The following CSDE1 variants were observed in gnomAD, a reference collection of about 807,000 sequenced individuals.
The protein encoded by CSDE1 is cold shock domain-containing protein E1.
CSDE1 carries 17 observed loss-of-function variants against 89.3 expected under a neutral mutation model. The ratio of observed to expected loss-of-function variants is 0.19; its 90% CI spans 0.13 to 0.29. CSDE1 has a LOEUF of 0.29. Ranked by LOEUF, CSDE1 falls within the 10% of genes least tolerant of loss-of-function variation. The pLI is 1.00. For missense variants in CSDE1, 672 were observed against 984.2 expected, an observed-to-expected ratio of 0.68 and a Z score of 4.24; for synonymous variants, 322 against 332.8, an observed-to-expected ratio of 0.97 and a Z score of 0.35.
In CSDE1 at chr1:114,736,832, G is replaced by T; in HGVS notation, c.426C>A (p.Thr142=). Residue 142 remains threonine, a synonymous_variant, in exon 6 of 20, where the codon ACC becomes ACA. Coordinates refer to ENST00000358528, the MANE Select transcript of CSDE1 (RefSeq NM_001007553.3). ...RNGEVFYLTY[T]PEDVEGNVQL... ...GAACGTTCCCTTCGACATCTTCAGG[G>T]GTGTAAGTCAGATAAAACACTTCCT... is the stretch of plus-strand genomic sequence containing the variant. 1 of 1,611,664 alleles carries T rather than the reference G, an allele frequency of 6.2e-7. No individual in the cohort carries two copies. Among genetic ancestry groups the T allele is most frequent in the Non-Finnish European group, 8.5e-7 (1 of 1,178,768 alleles).
At chr1:114,720,312 CATA>C (rs1267761904) in intron 17 of CSDE1, 1 of 444,572 alleles carries the variant, frequency 2.2e-6, no homozygotes, top group African/African-American at 2.0e-5. Context: ...TTCCCCATTG[CATA>C]ATATTAGTTA....
intron 16 of CSDE1, among the ~76,000 whole-genome samples, chr1:114,722,717 G>A (rs1659594101): frequency 6.6e-6 from 1 of 152,306 alleles, no homozygotes; most frequent in South Asian, 2.1e-4. Flanking sequence ...GTTAGGAGAT[G>A]GAAGGGCAAT....
intron 3 of CSDE1, 44 bp from the exon 4 acceptor site, chr1:114,738,116 G>C: frequency 7.0e-7 from 1 of 1,435,710 alleles, no homozygotes; most frequent in South Asian, 1.1e-5. Context: ...TGATTTTTGC[G>C]AAACGATATA....
At chr1:114,741,747 T>C (rs1034069066) in intron 2 of CSDE1, 4 of 1,152,056 alleles carry the variant, frequency 3.5e-6, no homozygotes, top group South Asian at 2.9e-5. Context: ...TCAATATATA[T>C]TTTTAGCTTG....
intron 16 of CSDE1, among the ~76,000 whole-genome samples, chr1:114,721,651 C>T (rs1002195386): frequency 2.6e-5 from 4 of 152,136 alleles, no homozygotes; most frequent in African/African-American, 9.7e-5. Flanking sequence ...AGTGCAGTGG[C>T]GATCAACGGC....
At chr1:114,754,012 A>T (rs1350537371) in intron 1 of CSDE1, among the ~76,000 whole-genome samples, 1 of 152,228 alleles carries the variant, frequency 6.6e-6, no homozygotes, top group Non-Finnish European at 1.5e-5. Context: ...GTGCTAAGTA[A>T]TCAACTCCTT....
chr1:114,730,058 C>T (rs1203620577), intron 12 of CSDE1, among the ~76,000 whole-genome samples, 200 bp downstream of exon 12: 4 of 152,142 alleles, frequency 2.6e-5, no homozygotes, highest in Non-Finnish European at 5.9e-5. Context: ...ATCCCATCCC[C>T]CACAGTAAAG....
At chr1:114,728,406 G>C (rs1350017066) in intron 12 of CSDE1, among the ~76,000 whole-genome samples, 7 of 152,064 alleles carry the variant, frequency 4.6e-5, no homozygotes, top group Non-Finnish European at 8.8e-5. Context: ...ATATTAAATA[G>C]AGATAGGAGA....
intron 7 of CSDE1, 114 bp from the exon 8 acceptor site, chr1:114,734,231 G>A (rs1185578481): frequency 2.3e-6 from 3 of 1,279,442 alleles, no homozygotes; most frequent in East Asian, 2.5e-5. Context: ...AATATAATTT[G>A]GTACAACCTA....
In CSDE1 at chr1:114,718,477, G is replaced by T. The variant is rs183088762; in HGVS notation, c.2349+136C>A. 1.2e-4 allele frequency: 153 copies of T among 1,225,414 alleles called. No individual in the cohort carries two copies. In the African/African-American group the frequency reaches 2.2e-3, roughly 18 times the overall value. 75.9% of individuals were successfully genotyped at this position (1,225,414 alleles called of 1,614,324 possible). On this transcript the variant is annotated intron_variant, in intron 19 of 19. Transcript: ENST00000358528. ...GGTTAGGGGGCTGAACCAATGTGTA[G>T]AAAGTCCTAACTAGTTATAAGCAAT... is the stretch of plus-strand genomic sequence containing the variant.
intron 5 of CSDE1, 118 bp from the exon 6 acceptor site, chr1:114,736,973 A>C: frequency 1.4e-6 from 1 of 698,714 alleles, no homozygotes; most frequent in Admixed American, 2.8e-5. Flanking sequence ...CTTAAAATTA[A>C]ATGCTTTATG....
intron 2 of CSDE1, among the ~76,000 whole-genome samples, chr1:114,740,910 A>C (rs1372339293): frequency 6.6e-6 from 1 of 152,220 alleles, no homozygotes; most frequent in African/African-American, 2.4e-5. Flanking sequence ...GGCATTATTA[A>C]TAAAAAGGAT....
At chr1:114,752,585 G>A (rs934561907) in intron 1 of CSDE1, among the ~76,000 whole-genome samples, 5 of 152,090 alleles carry the variant, frequency 3.3e-5, no homozygotes, top group Admixed American at 2.0e-4. Context: ...AGTTCTACCA[G>A]AAGTCCATTA....
intron 1 of CSDE1, among the ~76,000 whole-genome samples, chr1:114,751,923 T>C (rs1366948976): frequency 6.6e-6 from 1 of 152,190 alleles, no homozygotes; most frequent in Non-Finnish European, 1.5e-5. Context: ...CAACTTCCAG[T>C]GTGCACACTT....
At chr1:114,755,944 A>G (rs944447888) in intron 1 of CSDE1, among the ~76,000 whole-genome samples, 10 of 152,210 alleles carry the variant, frequency 6.6e-5, no homozygotes, top group African/African-American at 2.4e-4. Context: ...AAAACACTGG[A>G]ACACTAAATT....
chr1:114,717,068 C>T lies in CSDE1; in HGVS notation c.*1101G>A, dbSNP rs1659215492. On this transcript the variant is annotated 3_prime_UTR_variant, in exon 20 of 20. Coordinates refer to ENST00000358528, the MANE Select transcript of CSDE1 (RefSeq NM_001007553.3). ...CAAACGACAAGGGGGAAGATAAAAC[C>T]GCCCTCCCCCACATCCCCTGAGCTG... 1 of 152,752 alleles carries T rather than the reference C, an allele frequency of 6.5e-6. No individual in the cohort carries two copies. The highest frequency in any genetic ancestry group is 2.4e-5 in the African/African-American group (1 of 41,448). 9.5% of individuals were successfully genotyped at this position (152,752 alleles called of 1,614,324 possible).
intron 2 of CSDE1, among the ~76,000 whole-genome samples, chr1:114,748,919 C>T (rs1661152257): frequency 1.3e-5 from 2 of 152,218 alleles, no homozygotes; most frequent in Non-Finnish European, 2.9e-5. Flanking sequence ...TGCTTATAGA[C>T]ATCTGATGGC....
chr1:114,753,525 A>C (rs541341605), intron 1 of CSDE1, among the ~76,000 whole-genome samples: 1 of 152,320 alleles, frequency 6.6e-6, no homozygotes, highest in Admixed American at 6.5e-5. Flanking sequence ...CCGGATTAAC[A>C]TTAATTGGTG....
chr1:114,724,112 C>T, intron 15 of CSDE1, 110 bp from the exon 16 acceptor site: 1 of 1,244,874 alleles, frequency 8.0e-7, no homozygotes, highest in South Asian at 1.5e-5. Flanking sequence ...GGTTGGCTGG[C>T]TGCTATTGAA....
Sources: gnomAD v4.1 joint callset for allele counts (sites outside exome capture counted in the v4.1 genomes callset) on GRCh38, gnomAD v4.1.1 for gene constraint, MANE v1.5 for transcripts, NCBI Gene and HGNC (gene_info 2026-07-23, HGNC 2026-07-21) for gene names.